Variants in MTUS1 observed in about 807,000 individuals in gnomAD.
MTUS1 encodes microtubule associated scaffold protein 1, also known as microtubule-associated tumor suppressor 1.
A neutral mutation model predicts 120.8 loss-of-function variants in MTUS1; 109 were observed. The observed-to-expected ratio is 0.90, with a 90% CI of 0.77 to 1.06. MTUS1 has a LOEUF of 1.06. Among genes scored for constraint, MTUS1 ranks in the 50% least tolerant of loss-of-function variants. MTUS1 has a pLI of 0.00. For synonymous variants in MTUS1, 737 were observed against 550.5 expected (o/e 1.34, Z -4.74); for missense variants, 2,210 against 1,486.3 (o/e 1.49, Z -8.01).
chr8:17,704,752 C>T (rs376990), intron 6 of MTUS1, among the ~76,000 whole-genome samples: 68,270 of 151,982 alleles, frequency 0.45, 15,629 homozygotes, highest in East Asian at 0.74. Context: ...TTGCAGTCCT[C>T]TGTCATTCTA....
At chr8:17,791,825 C>G (rs1435180676) in intron 1 of MTUS1, among the ~76,000 whole-genome samples, 1 of 152,136 alleles carries the variant, frequency 6.6e-6, no homozygotes, top group South Asian at 2.1e-4. Context: ...AAATGAAACA[C>G]CTATCTATGA....
chr8:17,797,326 T>C lies in MTUS1; in HGVS notation c.-155+3735A>G, dbSNP rs548986066. On this transcript the variant is annotated intron_variant, in intron 1 of 14. Coordinates refer to ENST00000693296, the MANE Select transcript of MTUS1 (RefSeq NM_001363059.2). ...TACTCAGGAGGCTGAGGCGGGAGGA[T>C]AGCTTGAGCCTGGGACGTGAAGGCT... 4.6e-5 allele frequency among the ~76,000 whole-genome samples: 7 copies of C among 152,212 alleles called. 1 individual carries two copies. In the South Asian group the frequency reaches 8.3e-4, roughly 18 times the overall value.
intron 2 of MTUS1, among the ~76,000 whole-genome samples, chr8:17,750,714 T>A (rs764251302): frequency 1.3e-5 from 2 of 152,304 alleles, no homozygotes; most frequent in East Asian, 3.9e-4. Context: ...TTAAATGGCA[T>A]AATATAACTA....
chr8:17,754,399 G>A lies in MTUS1; in HGVS notation c.1409C>T (p.Ala470Val), dbSNP rs370823098. ...ACTGGGTTTACACAGGTTCACAGGT[G>A]CCTCCTTCGAGTCTGGTATGTTTTT... is the stretch of plus-strand genomic sequence containing the variant. ...GLKNIPDSKEAPVNLCKPSLG... is the reference protein window; with the variant it reads ...GLKNIPDSKEVPVNLCKPSLG... Residue 470 changes from alanine to valine, a missense_variant, in exon 2 of 15, where the codon GCA becomes GTA. Physicochemically the swap from Ala to Val is moderately conservative, Grantham distance 64. Coordinates refer to ENST00000693296, the MANE Select transcript of MTUS1 (RefSeq NM_001363059.2). 3 of 1,613,990 alleles carry A rather than the reference G, an allele frequency of 1.9e-6. No individual in the cohort carries two copies. The highest frequency in any genetic ancestry group is 2.2e-5 in the East Asian group (1 of 44,886).
intron 8 of MTUS1, among the ~76,000 whole-genome samples, chr8:17,660,141 G>C (rs1047028582): frequency 2.0e-5 from 3 of 152,182 alleles, no homozygotes; most frequent in Admixed American, 2.0e-4. Context: ...GGGAGGCCAA[G>C]GCAAGCAGAT....
intron 1 of MTUS1, among the ~76,000 whole-genome samples, chr8:17,772,526 C>T (rs1387398286): frequency 2.0e-5 from 3 of 152,196 alleles, no homozygotes; most frequent in Non-Finnish European, 2.9e-5. Context: ...GTACTCTCTA[C>T]TGATGTCATA....
At chr8:17,728,125 G>A (rs1244231436) in intron 3 of MTUS1, among the ~76,000 whole-genome samples, 1 of 152,188 alleles carries the variant, frequency 6.6e-6, no homozygotes, top group African/African-American at 2.4e-5. Context: ...TGGTAGAATG[G>A]CGCTTGCCAG....
At chr8:17,658,247 G>T (rs549139267) in intron 8 of MTUS1, among the ~76,000 whole-genome samples, 1 of 152,164 alleles carries the variant, frequency 6.6e-6, no homozygotes, top group Non-Finnish European at 1.5e-5. Context: ...TGTTGGTCAG[G>T]CTGTTCTCTA....
intron 7 of MTUS1, among the ~76,000 whole-genome samples, chr8:17,683,258 TGA>T (rs1282041450): frequency 6.6e-6 from 1 of 151,880 alleles, no homozygotes; most frequent in Non-Finnish European, 1.5e-5. Flanking sequence ...GGCGACAGAG[TGA>T]GAGTCTGTCT....
chr8:17,721,940 AG>A, intron 4 of MTUS1: 1 of 1,589,926 alleles, frequency 6.3e-7, no homozygotes, highest in Non-Finnish European at 8.6e-7. Context: ...GAAAAACTGC[AG>A]CCATGTTCAC....
At chr8:17,751,348 G>C (rs189875072) in intron 2 of MTUS1, among the ~76,000 whole-genome samples, 1 of 152,228 alleles carries the variant, frequency 6.6e-6, no homozygotes, top group East Asian at 1.9e-4. Flanking sequence ...CGTCAATCCA[G>C]GGCAGTAAGA....
chr8:17,697,699 A>T, intron 6 of MTUS1: 1 of 1,013,614 alleles, frequency 9.9e-7, no homozygotes, highest in Non-Finnish European at 1.2e-6. Flanking sequence ...TATGGTTTTC[A>T]TCCGAGATGG....
intron 8 of MTUS1, 21 bp downstream of exon 8, chr8:17,675,165 A>T (rs1272446074): frequency 6.2e-7 from 1 of 1,613,790 alleles, no homozygotes; most frequent in East Asian, 2.2e-5. Context: ...AAATTTAACA[A>T]CAACAACAAA....
At chr8:17,669,791 C>T (rs943588458) in intron 8 of MTUS1, among the ~76,000 whole-genome samples, 4 of 151,976 alleles carry the variant, frequency 2.6e-5, no homozygotes, top group African/African-American at 9.7e-5. Flanking sequence ...GTTGCAGTGA[C>T]CCAAGATCAT....
At chr8:17,674,845 T>G (rs536513963) in intron 8 of MTUS1, 1 of 1,107,138 alleles carries the variant, frequency 9.0e-7, no homozygotes, top group Non-Finnish European at 1.1e-6. Context: ...TTCACTATTC[T>G]CATATGAAAA....
intron 12 of MTUS1, among the ~76,000 whole-genome samples, chr8:17,652,038 A>G (rs1229115353): frequency 2.0e-5 from 3 of 148,244 alleles, no homozygotes; most frequent in Non-Finnish European, 4.5e-5. Flanking sequence ...AGAAGGTCTC[A>G]CTGAGAGATC....
intron 1 of MTUS1, among the ~76,000 whole-genome samples, chr8:17,798,622 G>T (rs958416158): frequency 6.6e-6 from 1 of 152,156 alleles, no homozygotes; most frequent in Non-Finnish European, 1.5e-5. Context: ...GTGAGCCACC[G>T]CACCCGGCTG....
chr8:17,745,027 G>A (rs1563308627), intron 2 of MTUS1, among the ~76,000 whole-genome samples: 1 of 152,130 alleles, frequency 6.6e-6, no homozygotes, highest in Non-Finnish European at 1.5e-5. Context: ...ATGTTCTGAG[G>A]ACCTCTTGAG....
chr8:17,717,063 G>A (rs1275418395), intron 4 of MTUS1, among the ~76,000 whole-genome samples: 1 of 152,156 alleles, frequency 6.6e-6, no homozygotes, highest in Non-Finnish European at 1.5e-5. Flanking sequence ...TATTCCAACT[G>A]CTACAATAGT....
Sources: gnomAD v4.1 joint callset for allele counts (sites outside exome capture counted in the v4.1 genomes callset) on GRCh38, gnomAD v4.1.1 for gene constraint, MANE v1.5 for transcripts, NCBI Gene and HGNC (gene_info 2026-07-23, HGNC 2026-07-21) for gene names.